Variants in SRGAP1 observed in about 807,000 individuals in gnomAD.
SRGAP1 encodes the protein SLIT-ROBO Rho GTPase activating protein 1.
In SRGAP1, 43 loss-of-function variants were observed where a neutral mutation model predicts 121.9. The ratio of observed to expected loss-of-function variants is 0.35; its 90% CI spans 0.28 to 0.46. The LOEUF (loss-of-function observed/expected upper bound fraction) is 0.46, where lower values mean the gene tolerates loss of function less well. SRGAP1 is among the 20% of genes least tolerant of loss of function. SRGAP1 has a pLI of 1.00. For missense variants in SRGAP1, 1,102 were observed against 1,350.9 expected (o/e 0.82, Z 2.89); for synonymous variants, 447 against 485.4 (o/e 0.92, Z 1.04).
intron 1 of SRGAP1, among the ~76,000 whole-genome samples, chr12:63,951,074 T>C (rs1478995987): frequency 6.6e-6 from 1 of 150,496 alleles, no homozygotes; most frequent in East Asian, 2.0e-4. Context: ...TTATCTCAGG[T>C]GTCTTATCTG....
chr12:64,065,900 A>C (rs866120661), intron 8 of SRGAP1, among the ~76,000 whole-genome samples: 1 of 152,242 alleles, frequency 6.6e-6, no homozygotes, highest in African/African-American at 2.4e-5. Flanking sequence ...TACTGTATTT[A>C]AATGAATAGA....
chr12:64,003,478 GAAAAAAAAA>G (rs531819299), intron 3 of SRGAP1, among the ~76,000 whole-genome samples: 3 of 42,782 alleles, frequency 7.0e-5, no homozygotes, highest in African/African-American at 1.9e-4. Context: ...GGAAGTTTCA[GAAAAAAAAA>G]AAAAAAAAAA....
intron 1 of SRGAP1, among the ~76,000 whole-genome samples, chr12:63,849,251 ATAATTGGCTAGCAGAAGG>A (rs1423042480): frequency 2.4e-4 from 37 of 152,240 alleles, no homozygotes; most frequent in African/African-American, 8.7e-4. Context: ...AAGGGATTGA[ATAATTGGCTAGCAGAAGG>A]TTTTGAATTA....
chr12:63,971,063 A>C (rs1229688086), intron 1 of SRGAP1, among the ~76,000 whole-genome samples: 1 of 152,156 alleles, frequency 6.6e-6, no homozygotes, highest in Non-Finnish European at 1.5e-5. Context: ...TGAGCTCTCT[A>C]GACACTCTCA....
chr12:64,027,759 T>C (rs983313679), intron 4 of SRGAP1, among the ~76,000 whole-genome samples: 3 of 152,114 alleles, frequency 2.0e-5, no homozygotes, highest in Non-Finnish European at 2.9e-5. Context: ...CTTATTTCTC[T>C]TTTTTTCTGT....
At chr12:64,090,408 GC>G (rs1341835216) in intron 11 of SRGAP1, among the ~76,000 whole-genome samples, 16 of 152,206 alleles carry the variant, frequency 1.1e-4, no homozygotes, top group Non-Finnish European at 2.4e-4. Flanking sequence ...ACTCATGCGA[GC>G]CTGTATGTCC....
At chr12:64,134,042 T>C (rs1485920514) in intron 21 of SRGAP1, among the ~76,000 whole-genome samples, 4 of 152,116 alleles carry the variant, frequency 2.6e-5, no homozygotes, top group African/African-American at 9.7e-5. Flanking sequence ...ATTATCTCCA[T>C]TGTATTTAAA....
chr12:64,027,719 A>G (rs1003927884), intron 4 of SRGAP1, among the ~76,000 whole-genome samples: 2 of 152,138 alleles, frequency 1.3e-5, no homozygotes, highest in Non-Finnish European at 2.9e-5. Flanking sequence ...CAAACTCAAA[A>G]AGCTCTCTTG....
intron 1 of SRGAP1, among the ~76,000 whole-genome samples, chr12:63,857,459 G>A (rs991685359): frequency 6.6e-6 from 1 of 151,582 alleles, no homozygotes; most frequent in African/African-American, 2.4e-5. Flanking sequence ...TCGGCTCACT[G>A]CAACCTCCGC....
chr12:63,875,114 G>A (rs1033900189), intron 1 of SRGAP1, among the ~76,000 whole-genome samples: 9 of 152,100 alleles, frequency 5.9e-5, no homozygotes, highest in South Asian at 2.1e-4. Flanking sequence ...GGGTCTCACT[G>A]CCTTGCCCAG....
chr12:64,099,550 A>G (rs1360528130), intron 15 of SRGAP1, among the ~76,000 whole-genome samples: 2 of 152,140 alleles, frequency 1.3e-5, no homozygotes, highest in Non-Finnish European at 2.9e-5. Context: ...AATCCTCCCC[A>G]GTCTGATGTC....
In SRGAP1 at chr12:63,949,081, T is replaced by TAC. The variant is rs1565964370; in HGVS notation, c.68-34865_68-34864insCA. 1.3e-3 allele frequency among the ~76,000 whole-genome samples: 101 copies of TAC among 80,426 alleles called. 3 individuals are homozygous for TAC. Among genetic ancestry groups the TAC allele is most frequent in the African/African-American group, 3.8e-3 (95 of 25,288 alleles). The allele number at this position is 80,426 out of a possible 152,430, so 52.8% of individuals were successfully genotyped here. A position where few individuals can be genotyped will look rare whatever the true frequency, so the allele number is the denominator to read the frequency against. On this transcript the variant is annotated intron_variant, in intron 1 of 21. Coordinates refer to ENST00000355086, the MANE Select transcript of SRGAP1 (RefSeq NM_020762.4). ...TCCATATATGTATTTTCCATATATGTATTTTCCATATATGTATTTTCCATA... is the reference window on the plus strand; with the variant it reads ...TCCATATATGTATTTTCCATATATGTACATTTTCCATATATGTATTTTCCATA...
At chr12:63,966,456 A>G (rs2032793038) in intron 1 of SRGAP1, among the ~76,000 whole-genome samples, 2 of 152,218 alleles carry the variant, frequency 1.3e-5, no homozygotes, top group South Asian at 4.1e-4. Flanking sequence ...ATGTTAACAA[A>G]GGAAATCTTC....
chr12:63,907,391 A>G (rs1469262324), intron 1 of SRGAP1, among the ~76,000 whole-genome samples: 1 of 152,102 alleles, frequency 6.6e-6, no homozygotes, highest in Non-Finnish European at 1.5e-5. Flanking sequence ...GTAAAAAATT[A>G]GCTGGGTGTG....
intron 1 of SRGAP1, among the ~76,000 whole-genome samples, chr12:63,884,243 A>G (rs1276263195): frequency 6.6e-6 from 1 of 152,060 alleles, no homozygotes; most frequent in Non-Finnish European, 1.5e-5. Flanking sequence ...AGATCATGCC[A>G]CTTCACACTC....
intron 1 of SRGAP1, among the ~76,000 whole-genome samples, chr12:63,894,031 G>A (rs1258071712): frequency 6.6e-6 from 1 of 152,130 alleles, no homozygotes; most frequent in Non-Finnish European, 1.5e-5. Context: ...GTAGAGACGG[G>A]GTTTCGCCAT....
chr12:63,921,849 T>C (rs913038680), intron 1 of SRGAP1, among the ~76,000 whole-genome samples: 2 of 152,210 alleles, frequency 1.3e-5, no homozygotes, highest in Admixed American at 6.5e-5. Context: ...AGAAATACTT[T>C]TGGTTATGAT....
chr12:64,077,012 A>G (rs934530483), intron 8 of SRGAP1, among the ~76,000 whole-genome samples: 3 of 152,226 alleles, frequency 2.0e-5, no homozygotes, highest in Non-Finnish European at 4.4e-5. Flanking sequence ...ACTAAAACCT[A>G]TGAAAAACAT....
intron 1 of SRGAP1, among the ~76,000 whole-genome samples, chr12:63,961,319 G>C (rs1013330732): frequency 2.6e-5 from 4 of 152,134 alleles, no homozygotes; most frequent in African/African-American, 9.7e-5. Flanking sequence ...TGTCTACCTG[G>C]ACCTGCCCCT....
Sources: gnomAD v4.1 joint callset for allele counts (sites outside exome capture counted in the v4.1 genomes callset) on GRCh38, gnomAD v4.1.1 for gene constraint, MANE v1.5 for transcripts, NCBI Gene and HGNC (gene_info 2026-07-23, HGNC 2026-07-21) for gene names.